The following LAMB4 variants were observed in gnomAD, a reference collection of about 807,000 sequenced individuals.
LAMB4 encodes the protein laminin subunit beta-4.
LAMB4 carries 196 observed loss-of-function variants against 199.2 expected under a neutral mutation model. That is an observed-to-expected ratio of 0.98 (90% CI 0.88 to 1.11). LAMB4 has a LOEUF of 1.11. Among genes scored for constraint, LAMB4 ranks in the 50% least tolerant of loss-of-function variants. The pLI, the probability that LAMB4 is intolerant of heterozygous loss-of-function variation, is 0.00. For missense variants in LAMB4, 2,080 were observed against 2,171.2 expected (o/e 0.96, Z 0.83); for synonymous variants, 744 against 770.6 (o/e 0.97, Z 0.57).
chr7:108,103,877 T>C (rs749032440), intron 9 of LAMB4, among the ~76,000 whole-genome samples: 2 of 152,188 alleles, frequency 1.3e-5, no homozygotes, highest in Non-Finnish European at 2.9e-5. Context: ...GGATGAGGCT[T>C]TTTTATTAGA....
At chr7:108,110,318 T>C (rs973660316) in intron 4 of LAMB4, among the ~76,000 whole-genome samples, 1 of 152,228 alleles carries the variant, frequency 6.6e-6, no homozygotes, top group Non-Finnish European at 1.5e-5. Flanking sequence ...TGTGAGCCAC[T>C]GCACCCTGCC....
rs745372314 is a variant in LAMB4 at position 108,105,963 on chromosome 7, C to T, written c.724G>A (p.Gly242Arg). ...TCAAGGGAATCATTTTGCCTCCTTC[C>T]AAGCAAAGCATCCCCAAGGGTGTGG... ...KLHTLGDALL[G>R]RRQNDSLDKY... is the part of the protein sequence containing the mutation. The change falls in exon 8 of 34, where the codon GGA (glycine) becomes AGA (arginine). Residue 242 changes from glycine to arginine, a missense_variant. Gly to Arg is a moderately radical substitution (Grantham distance 125). Coordinates refer to ENST00000388781, the MANE Select transcript of LAMB4 (RefSeq NM_007356.3). 18 of 1,614,060 alleles carry T rather than the reference C, an allele frequency of 1.1e-5. No individual in the cohort carries two copies. Among genetic ancestry groups the T allele is most frequent in the Admixed American group, 1.7e-5 (1 of 60,008 alleles).
rs140875908 is a variant in LAMB4 at position 108,083,604 on chromosome 7, G to T, written c.1702-3818C>A. ...TGATCTGAGATGGCAGTGGAATGGG[G>T]CCCCTTAAAGATGCAGCTGAAGCAT... On this transcript the variant is annotated intron_variant, in intron 14 of 33. Transcript: ENST00000388781. 3.9e-5 allele frequency among the ~76,000 whole-genome samples: 6 copies of T among 152,294 alleles called. No individual in the cohort carries two copies. In the East Asian group the frequency reaches 1.2e-3, roughly 29 times the overall value.
chr7:108,104,406 G>A, intron 9 of LAMB4, 93 bp downstream of exon 9: 3 of 1,475,946 alleles, frequency 2.0e-6, no homozygotes, highest in Non-Finnish European at 1.8e-6. Flanking sequence ...CCCCACTTTG[G>A]TGCCTGCAGC....
chr7:108,032,204 AC>A (rs1168169704), intron 31 of LAMB4, among the ~76,000 whole-genome samples: 1 of 152,136 alleles, frequency 6.6e-6, no homozygotes, highest in African/African-American at 2.4e-5. Context: ...AGTCTGGCCA[AC>A]ATGGCGAAAC....
At chr7:108,030,457 A>C (rs1180138389) in intron 32 of LAMB4, among the ~76,000 whole-genome samples, 3 of 152,178 alleles carry the variant, frequency 2.0e-5, no homozygotes, top group Non-Finnish European at 4.4e-5. Flanking sequence ...TGTGTGACTG[A>C]ATGAGAATAG....
chr7:108,106,988 G>T (rs1258149819), intron 6 of LAMB4, among the ~76,000 whole-genome samples: 2 of 152,164 alleles, frequency 1.3e-5, no homozygotes, highest in African/African-American at 4.8e-5. Context: ...ACCAGGAGCA[G>T]AAATAAATGA....
intron 28 of LAMB4, among the ~76,000 whole-genome samples, chr7:108,046,581 C>T (rs926348143): frequency 2.3e-4 from 35 of 149,240 alleles, no homozygotes; most frequent in Admixed American, 4.0e-4. Flanking sequence ...AATGCATTCT[C>T]AAAAAAAAAG....
downstream of LAMB4, among the ~76,000 whole-genome samples, chr7:108,022,037 G>A (rs1171318289): frequency 6.6e-6 from 1 of 152,160 alleles, no homozygotes; most frequent in Admixed American, 6.5e-5. Context: ...GCAAGTCACT[G>A]GGATGGTGGT....
chr7:108,107,813 G>A lies in LAMB4; in HGVS notation c.409C>T (p.Arg137Trp), dbSNP rs1445033819. 17 of 1,582,638 alleles carry A rather than the reference G, an allele frequency of 1.1e-5. No homozygotes were observed. The highest frequency in any genetic ancestry group is 2.3e-5 in the East Asian group (1 of 43,828). The change falls in exon 6 of 34, where the codon CGG becomes TGG. Residue 137 changes from arginine to tryptophan, a missense_variant. Arg to Trp is a moderately radical substitution (Grantham distance 101). Transcript: ENST00000388781. ...CGTTCAACTAACATTGCAGCAGGCCGAAAAGTCTAGGAAAAATGAGTAAAA... is the reference window on the plus strand; with the variant it reads ...CGTTCAACTAACATTGCAGCAGGCCAAAAAGTCTAGGAAAAATGAGTAAAA... ...SHLILTFKTF[R>W]PAAMLVERST...
chr7:108,023,006 G>T (rs1045856632), downstream of LAMB4, among the ~76,000 whole-genome samples: 10 of 151,980 alleles, frequency 6.6e-5, no homozygotes, highest in African/African-American at 2.2e-4. Flanking sequence ...TAGAGACAAG[G>T]TTTCACCATG....
rs566283547 is a variant in LAMB4, at chr7:108,064,411, A to C, written c.2837-426T>G. Among the ~76,000 whole-genome samples the C allele has an allele frequency of 1.2e-4, 18 of 152,342 alleles. 1 individual carries two copies. In the South Asian group the frequency reaches 3.7e-3, roughly 32 times the overall value. ...AAAGCAGGCCTGAAGAGAAAGTCCC[A>C]AACAGCAATAGCTGTCACTTCTAGA... On this transcript the variant is annotated intron_variant, in intron 21 of 33. Transcript: ENST00000388781.
intron 6 of LAMB4, 59 bp downstream of exon 6, chr7:108,107,572 T>C: frequency 1.5e-6 from 2 of 1,335,984 alleles, no homozygotes; most frequent in African/African-American, 1.5e-5. Flanking sequence ...TCATTTAAGT[T>C]AATTATACTT....
At chr7:108,056,041 A>G in intron 24 of LAMB4, 34 bp from the exon 25 acceptor site, 1 of 1,557,462 alleles carries the variant, frequency 6.4e-7, no homozygotes, top group Non-Finnish European at 8.7e-7. Context: ...AGAGAATGTC[A>G]CTGGGCCTTT....
chr7:108,090,936 T>C (rs1033802485), intron 14 of LAMB4, among the ~76,000 whole-genome samples: 1 of 152,124 alleles, frequency 6.6e-6, no homozygotes, highest in African/African-American at 2.4e-5. Flanking sequence ...GGCATTTTCA[T>C]CCTTCCCCAT....
In LAMB4 at chr7:108,055,976, C is replaced by G; in HGVS notation, c.3411G>C (p.Lys1137Asn). 1 of 1,613,680 alleles carries G rather than the reference C, an allele frequency of 6.2e-7. No homozygotes were observed. The change falls in exon 25 of 34, where the codon AAG becomes AAC. Residue 1137 changes from lysine (K) to asparagine (N), a missense_variant. By Grantham distance (94) the Lys-to-Asn change is moderately conservative. Transcript: ENST00000388781. ...TGCCTGTGTCTGGATCACAGATGGG[C>G]TTCTGGGTACCTGCCCTGTTACAAT... ...PCDCNRAGTQ[K>N]PICDPDTGMC...
intron 27 of LAMB4, among the ~76,000 whole-genome samples, chr7:108,049,045 G>A (rs1192180656): frequency 6.6e-6 from 1 of 152,076 alleles, no homozygotes; most frequent in Non-Finnish European, 1.5e-5. Flanking sequence ...GAGGCAAGAG[G>A]AGCAAATGTT....
In LAMB4 at chr7:108,035,669, C is replaced by G. The variant is rs151089372; in HGVS notation, c.4680-1323G>C. 1.2e-4 allele frequency among the ~76,000 whole-genome samples: 17 copies of G among 144,108 alleles called. No individual in the cohort carries two copies. In the East Asian group the frequency reaches 3.5e-3, roughly 30 times the overall value. The allele number at this position is 144,108 out of a possible 152,430, so 94.5% of individuals were successfully genotyped here. On this transcript the variant is annotated intron_variant, in intron 30 of 33. Coordinates refer to ENST00000388781, the MANE Select transcript of LAMB4 (RefSeq NM_007356.3). ...GAAAAAATACCAGTAATCTTGCCAT[C>G]TTTTAAAATGTTAGGATATTGTAGC...
At chr7:108,101,506 G>A (rs1435288319) in intron 10 of LAMB4, among the ~76,000 whole-genome samples, 2 of 152,178 alleles carry the variant, frequency 1.3e-5, no homozygotes, top group African/African-American at 2.4e-5. Flanking sequence ...TATGCCATGA[G>A]TTACAAAGTC....
Sources: gnomAD v4.1 joint callset for allele counts (sites outside exome capture counted in the v4.1 genomes callset) on GRCh38, gnomAD v4.1.1 for gene constraint, MANE v1.5 for transcripts, NCBI Gene and HGNC (gene_info 2026-07-23, HGNC 2026-07-21) for gene names.